Variants in C3orf52 observed in about 807,000 individuals in gnomAD.
C3orf52 encodes the protein chromosome 3 open reading frame 52, also known as TPA-induced transmembrane protein.
Under a neutral mutation model 24.8 loss-of-function variants are expected in C3orf52, and 22 were observed. That is an observed-to-expected ratio of 0.89 (90% confidence interval 0.63 to 1.27). The LOEUF is 1.27. Ranked by LOEUF, C3orf52 falls within the 50% of genes most tolerant of loss-of-function variation. C3orf52 has a pLI of 0.00. For missense variants in C3orf52, 265 were observed against 260.7 expected (o/e 1.02, Z -0.11); for synonymous variants, 93 against 100.2 (o/e 0.93, Z 0.43).
intron 4 of C3orf52, chr3:112,128,160 T>A (rs755255826): frequency 2.0e-6 from 2 of 1,019,622 alleles, no homozygotes; most frequent in South Asian, 2.6e-5. Context: ...AAACTTTTTT[T>A]CTCCCCGCAA....
intron 3 of C3orf52, among the ~76,000 whole-genome samples, chr3:112,104,214 A>G (rs1038682674): frequency 6.6e-6 from 1 of 152,114 alleles, no homozygotes; most frequent in African/African-American, 2.4e-5. Context: ...GGGATGAGAA[A>G]CCCAGGAGAA....
At chr3:112,115,569 T>G (rs930903466) in intron 5 of C3orf52, among the ~76,000 whole-genome samples, 2 of 152,170 alleles carry the variant, frequency 1.3e-5, no homozygotes, top group African/African-American at 2.4e-5. Flanking sequence ...AAGACAGCTG[T>G]GTACCTTCTC....
At chr3:112,127,341 G>A (rs1299106558) in intron 4 of C3orf52, among the ~76,000 whole-genome samples, 1 of 152,078 alleles carries the variant, frequency 6.6e-6, no homozygotes, top group African/African-American at 2.4e-5. Flanking sequence ...TTCTGACAAA[G>A]TATCAATTTC....
downstream of C3orf52, chr3:112,130,718 A>G (rs2074433153): frequency 1.7e-6 from 1 of 588,626 alleles, no homozygotes; most frequent in Admixed American, 2.7e-5. Context: ...TGCCACAGCA[A>G]CAGCCCACTG....
chr3:112,093,267 G>T, intron 1 of C3orf52, 93 bp from the exon 2 acceptor site: 1 of 1,373,338 alleles, frequency 7.3e-7, no homozygotes. Context: ...GGGTCTTGCT[G>T]CCTTCATTTC....
chr3:112,128,009 C>G (rs779981321), intron 4 of C3orf52: 42 of 1,612,270 alleles, frequency 2.6e-5, no homozygotes, highest in Non-Finnish European at 3.1e-5. Context: ...AAACAACTGT[C>G]CACTCACCAT....
At chr3:112,102,726 C>T (rs1175540559) in intron 2 of C3orf52, 112 bp from the exon 3 acceptor site, 3 of 1,038,168 alleles carry the variant, frequency 2.9e-6, no homozygotes, top group African/African-American at 1.6e-5. Context: ...AGCCTTTACC[C>T]TTGATGCTCA....
chr3:112,125,292 T>C, intron 4 of C3orf52: 3 of 1,458,826 alleles, frequency 2.1e-6, no homozygotes, highest in Admixed American at 1.7e-5. Context: ...TTTCAGGTTA[T>C]GGGGAGATTT....
chr3:112,098,143 A>G (rs910964430), intron 2 of C3orf52, among the ~76,000 whole-genome samples: 1 of 152,188 alleles, frequency 6.6e-6, no homozygotes, highest in South Asian at 2.1e-4. Flanking sequence ...AAAGGTCTGC[A>G]TTTGAATCTT....
chr3:112,133,129 T>G (rs150953487), downstream of C3orf52: 1 of 1,613,880 alleles, frequency 6.2e-7, no homozygotes, highest in Non-Finnish European at 8.5e-7. Context: ...ATCCTCTCAG[T>G]CCTCTCAGGG....
chr3:112,108,865 G>A (rs2074051948), intron 3 of C3orf52, among the ~76,000 whole-genome samples: 1 of 152,200 alleles, frequency 6.6e-6, no homozygotes. Flanking sequence ...TTAAGAAAGA[G>A]AGAGAGGAGG....
At chr3:112,095,882 T>G (rs1477642647) in intron 2 of C3orf52, among the ~76,000 whole-genome samples, 1 of 152,090 alleles carries the variant, frequency 6.6e-6, no homozygotes, top group African/African-American at 2.4e-5. Flanking sequence ...AGGCATTTTT[T>G]GGGGATGATC....
chr3:112,086,542 C>G lies in C3orf52; in HGVS notation c.135C>G (p.Ala45=). 1 of 1,550,874 alleles carries G rather than the reference C, an allele frequency of 6.4e-7. No individual in the cohort carries two copies. Among genetic ancestry groups the G allele is most frequent in the Admixed American group, 2.0e-5 (1 of 50,956 alleles). Residue 45 remains alanine (A), a synonymous_variant, in exon 1 of 6, where the codon GCC becomes GCG. Coordinates refer to ENST00000264848, the MANE Select transcript of C3orf52 (RefSeq NM_024616.3). ...FPSLDEEVPP[A]EANKESPWSS... is the part of the protein sequence containing the mutation. Reference sequence around the variant, plus strand: ...CTTTGGACGAGGAGGTCCCCCCGGCCGAGGTAAGGTCCCCTTGGCGCTGGC... The same window carrying G: ...CTTTGGACGAGGAGGTCCCCCCGGCGGAGGTAAGGTCCCCTTGGCGCTGGC...
At chr3:112,088,815 T>C (rs147436817) in intron 1 of C3orf52, among the ~76,000 whole-genome samples, 1,782 of 152,326 alleles carry the variant, frequency 0.012, 18 homozygotes, top group Non-Finnish European at 0.019. Context: ...TTAAGTGAGC[T>C]AGGAGTTGAG....
chr3:112,134,667 CTG>C (rs1177769435), downstream of C3orf52: 1 of 152,234 alleles, frequency 6.6e-6, no homozygotes, highest in South Asian at 2.1e-4. Flanking sequence ...TCCTCTAAGA[CTG>C]TGTGTACAAA....
At chr3:112,135,583 A>G (rs949694213), downstream of C3orf52, among the ~76,000 whole-genome samples, 4 of 151,788 alleles carry the variant, frequency 2.6e-5, no homozygotes, top group Admixed American at 6.6e-5. Context: ...AGATTTTATT[A>G]TAAAAGATAA....
intron 1 of C3orf52, among the ~76,000 whole-genome samples, chr3:112,088,216 G>A (rs1427763388): frequency 6.6e-6 from 1 of 152,182 alleles, no homozygotes; most frequent in Non-Finnish European, 1.5e-5. Context: ...TGTGTTCAAG[G>A]AATGCCTTGA....
chr3:112,129,977 A>G (rs1208589158), downstream of C3orf52: 2 of 157,644 alleles, frequency 1.3e-5, no homozygotes, highest in East Asian at 3.6e-4. Context: ...GTTCAAAAAG[A>G]ATTAATGAGG....
intron 2 of C3orf52, among the ~76,000 whole-genome samples, chr3:112,099,261 G>C (rs1293169597): frequency 6.6e-6 from 1 of 152,156 alleles, no homozygotes; most frequent in African/African-American, 2.4e-5. Flanking sequence ...TTATAGCAGT[G>C]TGAGAATGGA....
Sources: gnomAD v4.1 joint callset for allele counts (sites outside exome capture counted in the v4.1 genomes callset) on GRCh38, gnomAD v4.1.1 for gene constraint, MANE v1.5 for transcripts, NCBI Gene and HGNC (gene_info 2026-07-23, HGNC 2026-07-21) for gene names.